The following FSD2 variants were observed in gnomAD, a reference collection of about 807,000 sequenced individuals.
FSD2 encodes fibronectin type III and SPRY domain-containing protein 2.
Under a neutral mutation model 80.4 loss-of-function variants are expected in FSD2, and 71 were observed. The observed-to-expected ratio is 0.88, with a 90% CI of 0.73 to 1.08. The LOEUF (loss-of-function observed/expected upper bound fraction) is 1.08, where lower values mean the gene tolerates loss of function less well. Ranked by LOEUF, FSD2 falls within the 50% of genes least tolerant of loss-of-function variation. FSD2 has a pLI of 0.00. For synonymous variants in FSD2, 361 were observed against 329.5 expected (o/e 1.10, Z -1.03); for missense variants, 923 against 913.8 (o/e 1.01, Z -0.13).
intron 6 of FSD2, among the ~76,000 whole-genome samples, chr15:82,774,462 G>A (rs1416399144): frequency 2.0e-5 from 3 of 152,152 alleles, no homozygotes; most frequent in African/African-American, 7.2e-5. Context: ...ATTCCTATGA[G>A]GTATTATGAT....
At chr15:82,761,972 G>T in intron 12 of FSD2, 130 bp downstream of exon 12, 1 of 836,802 alleles carries the variant, frequency 1.2e-6, no homozygotes, top group East Asian at 2.8e-5. Context: ...AAAGTGGCTG[G>T]CAGCAACTCC....
chr15:82,770,113 G>A (rs1194509034), intron 7 of FSD2, among the ~76,000 whole-genome samples: 1 of 152,130 alleles, frequency 6.6e-6, no homozygotes, highest in Non-Finnish European at 1.5e-5. Context: ...TGGTCAATGG[G>A]GCAATAACAA....
rs888927764 is a variant in FSD2, at chr15:82,757,205, T to C, written c.*2143A>G. 4 of 152,210 alleles carry C rather than the reference T, an allele frequency of 2.6e-5. No homozygotes were observed. The highest frequency in any genetic ancestry group is 7.2e-5 in the African/African-American group (3 of 41,452). The allele number at this position is 152,210 out of a possible 1,614,324, so 9.4% of individuals were successfully genotyped here. On this transcript the variant is annotated 3_prime_UTR_variant, in exon 13 of 13. Coordinates refer to ENST00000334574, the MANE Select transcript of FSD2 (RefSeq NM_001007122.4). ...TCAAATAAAAATTTAATTAAAACTT[T>C]ATACGTGTTGAGTTTTTAATCCATT...
At chr15:82,804,706 A>G (rs2050488980) in intron 1 of FSD2, among the ~76,000 whole-genome samples, 1 of 152,252 alleles carries the variant, frequency 6.6e-6, no homozygotes, top group Non-Finnish European at 1.5e-5. Context: ...AATGTGAAAC[A>G]CCAAGTTGAA....
chr15:82,801,875 C>G (rs866264165), intron 1 of FSD2, among the ~76,000 whole-genome samples: 35 of 152,154 alleles, frequency 2.3e-4, no homozygotes, highest in African/African-American at 7.7e-4. Context: ...GTCCATGCCA[C>G]CTGGGACCAC....
At chr15:82,772,047 C>A in intron 7 of FSD2, 26 bp downstream of exon 7, 2 of 1,525,724 alleles carry the variant, frequency 1.3e-6, no homozygotes, top group Non-Finnish European at 1.7e-6. Context: ...CCCATGAGCA[C>A]GGGCATGTTC....
At chr15:82,760,400 A>G (rs2049265588) in intron 12 of FSD2, among the ~76,000 whole-genome samples, 1 of 152,176 alleles carries the variant, frequency 6.6e-6, no homozygotes, top group Admixed American at 6.5e-5. Flanking sequence ...TACTTTGAAA[A>G]ATGGCAGAAA....
intron 4 of FSD2, among the ~76,000 whole-genome samples, chr15:82,780,746 A>G (rs924219438): frequency 1.3e-5 from 2 of 151,684 alleles, no homozygotes; most frequent in African/African-American, 4.8e-5. Context: ...ATAATAATTG[A>G]TATAACTAAA....
At chr15:82,790,633 T>C (rs986397290) in intron 1 of FSD2, among the ~76,000 whole-genome samples, 2 of 151,686 alleles carry the variant, frequency 1.3e-5, no homozygotes, top group Non-Finnish European at 2.9e-5. Context: ...TGGAGTCCAG[T>C]GGCGCGATCT....
In FSD2 at chr15:82,757,622, G is replaced by T. The variant is rs571190228; in HGVS notation, c.*1726C>A. 6.6e-6 allele frequency: 1 copy of T among 152,022 alleles called. No homozygotes were observed. Among genetic ancestry groups the T allele is most frequent in the African/African-American group, 2.4e-5 (1 of 41,380 alleles). 9.4% of individuals were successfully genotyped at this position (152,022 alleles called of 1,614,324 possible). A position where few individuals can be genotyped will look rare whatever the true frequency, so the allele number is the denominator to read the frequency against. On this transcript the variant is annotated 3_prime_UTR_variant, in exon 13 of 13. Transcript: ENST00000334574. The stretch of plus-strand genomic sequence containing the variant: ...GCTGGGATTACAGGCGTGAGCCACC[G>T]CGCCCGGCCGAGAACATTTTTAAAT...
intron 9 of FSD2, among the ~76,000 whole-genome samples, chr15:82,766,736 C>G (rs1166447109): frequency 8.2e-6 from 1 of 122,564 alleles, no homozygotes; most frequent in Admixed American, 9.4e-5. Context: ...GTGAGACTGT[C>G]TCAAAAAAAA....
At chr15:82,787,594 C>CT (rs1472810725) in intron 1 of FSD2, 126 bp from the exon 2 acceptor site, 1 of 430,050 alleles carries the variant, frequency 2.3e-6, no homozygotes, top group African/African-American at 2.0e-5. Flanking sequence ...CGTGGTTTCA[C>CT]TTTGAACCAT....
intron 1 of FSD2, among the ~76,000 whole-genome samples, chr15:82,803,162 A>C (rs1187218690): frequency 6.6e-6 from 1 of 152,040 alleles, no homozygotes; most frequent in Non-Finnish European, 1.5e-5. Context: ...TCTCCTTCCT[A>C]AAGCACAGAG....
intron 1 of FSD2, among the ~76,000 whole-genome samples, chr15:82,802,125 A>G (rs966795556): frequency 1.3e-5 from 2 of 152,144 alleles, no homozygotes; most frequent in Non-Finnish European, 2.9e-5. Flanking sequence ...GCTCATCCTC[A>G]CTAATGCAGC....
intron 1 of FSD2, among the ~76,000 whole-genome samples, chr15:82,800,678 C>T (rs113269510): frequency 2.2e-4 from 20 of 92,466 alleles, no homozygotes; most frequent in East Asian, 1.8e-3. Flanking sequence ...GGGGATAGAG[C>T]GAGATTCTGT....
At chr15:82,783,094 T>C (rs1287639125) in intron 3 of FSD2, 69 bp from the exon 4 acceptor site, 3 of 1,172,388 alleles carry the variant, frequency 2.6e-6, no homozygotes, top group Admixed American at 2.2e-5. Flanking sequence ...TTTTGTTTTT[T>C]GTTTTTTTGT....
In FSD2 at chr15:82,762,262, C is replaced by T; in HGVS notation, c.1837G>A (p.Gly613Arg). The T allele has an allele frequency of 9.3e-6, 15 of 1,613,780 alleles. No individual in the cohort carries two copies. Among genetic ancestry groups the T allele is most frequent in the Non-Finnish European group, 1.3e-5 (15 of 1,179,794 alleles). Residue 613 changes from glycine (G) to arginine (R), a missense_variant, in exon 12 of 13, where the codon GGA (glycine) becomes AGA (arginine). Transcript: ENST00000334574. The part of the protein sequence containing the change: ...THFTRCVAVM[G>R]NLIPVRGHHY... ...TGCCCTCGGACTGGAATTAGATTTC[C>T]CATGACAGCAACACACCTGGTTTTA... is the stretch of plus-strand genomic sequence containing the variant.
intron 6 of FSD2, among the ~76,000 whole-genome samples, chr15:82,775,216 G>T (rs1009022351): frequency 6.6e-6 from 1 of 150,786 alleles, no homozygotes; most frequent in African/African-American, 2.4e-5. Context: ...GGCCAACATG[G>T]TGAAACCCCG....
chr15:82,756,235 T>C lies in FSD2; in HGVS notation c.*3113A>G. The C allele has an allele frequency of 1.2e-5, 3 of 257,806 alleles. No homozygotes were observed. The South Asian group carries it at 1.2e-4, about 10-fold the overall frequency. The allele number at this position is 257,806 out of a possible 1,614,324, so 16.0% of individuals were successfully genotyped here. ...TTTCTTGGTAAGTTGAGGAGAGGAC[T>C]TTTCTTATAGTGCAGTCTGGTAGCT... On this transcript the variant is annotated 3_prime_UTR_variant, in exon 13 of 13. Transcript: ENST00000334574.
Sources: gnomAD v4.1 joint callset for allele counts (sites outside exome capture counted in the v4.1 genomes callset) on GRCh38, gnomAD v4.1.1 for gene constraint, MANE v1.5 for transcripts, NCBI Gene and HGNC (gene_info 2026-07-23, HGNC 2026-07-21) for gene names.